Variants in PIK3C2G observed in about 807,000 individuals in gnomAD.
PIK3C2G encodes phosphatidylinositol 3-kinase C2 domain-containing subunit gamma.
Under a neutral mutation model 181.1 loss-of-function variants are expected in PIK3C2G, and 168 were observed. The ratio of observed to expected loss-of-function variants is 0.93; its 90% confidence interval spans 0.82 to 1.05. The LOEUF is 1.05. Among genes scored for constraint, PIK3C2G ranks in the 50% least tolerant of loss-of-function variants. PIK3C2G has a pLI of 0.00. For missense variants in PIK3C2G, 1,869 were observed against 1,732.8 expected (o/e 1.08, Z -1.40); for synonymous variants, 573 against 592.2 (o/e 0.97, Z 0.47).
intron 5 of PIK3C2G, among the ~76,000 whole-genome samples, chr12:18,305,357 G>A (rs914469834): frequency 7.9e-5 from 12 of 152,084 alleles, no homozygotes; most frequent in African/African-American, 2.4e-4. Flanking sequence ...AAGCTGAATT[G>A]CACAAGCATC....
intron 24 of PIK3C2G, among the ~76,000 whole-genome samples, chr12:18,531,327 T>C (rs1943543364): frequency 6.6e-6 from 1 of 152,182 alleles, no homozygotes; most frequent in Non-Finnish European, 1.5e-5. Context: ...TTTGAGATAA[T>C]TGAAGATTCA....
chr12:18,443,865 G>A (rs1946876480), intron 18 of PIK3C2G, among the ~76,000 whole-genome samples: 1 of 152,120 alleles, frequency 6.6e-6, no homozygotes, highest in African/African-American at 2.4e-5. Flanking sequence ...TTTATAGAAA[G>A]CATCTTAGAG....
intron 18 of PIK3C2G, among the ~76,000 whole-genome samples, chr12:18,426,285 T>C (rs113865965): frequency 7.2e-5 from 11 of 152,326 alleles, no homozygotes; most frequent in African/African-American, 2.6e-4. Context: ...ACATGAATTT[T>C]ATGTTAGGAT....
At chr12:18,282,901 G>C in intron 2 of PIK3C2G, 142 bp downstream of exon 2, 1 of 550,432 alleles carries the variant, frequency 1.8e-6, no homozygotes, top group Non-Finnish European at 3.0e-6. Context: ...TTTCACAAAT[G>C]ATGTGTTCTT....
At chr12:18,381,659 T>G (rs924650942) in intron 13 of PIK3C2G, 107 bp from the exon 14 acceptor site, 10 of 667,744 alleles carry the variant, frequency 1.5e-5, no homozygotes, top group Non-Finnish European at 2.7e-5. Flanking sequence ...ATAAAGCCCC[T>G]GTAAGAGCGG....
chr12:18,612,943 T>C (rs1948415919), intron 31 of PIK3C2G, among the ~76,000 whole-genome samples: 1 of 152,118 alleles, frequency 6.6e-6, no homozygotes, highest in Non-Finnish European at 1.5e-5. Flanking sequence ...AGCATCACAA[T>C]ATGATTCACT....
Position 18,594,545 on chromosome 12 carries a change from G to T in PIK3C2G, c.4063G>T (p.Glu1355Ter). ...CTCTGAGGCTGTGCAACAAACAGTT[G>T]AAGAATCATCACCTGTGTACCTAGG... The part of the protein sequence containing the change: ...FLSEAVQQTV[E>*]ESSPVYLGEK... The change falls in exon 30 of 33, where the codon GAA (glutamate) becomes TAA (stop). Residue 1355 changes from glutamate to a stop codon, truncating the protein, a stop_gained. Coordinates refer to ENST00000538779, the MANE Select transcript of PIK3C2G (RefSeq NM_001288772.2). LOFTEE classifies it high-confidence loss of function. 1 of 1,551,944 alleles carries T rather than the reference G, an allele frequency of 6.4e-7. No individual in the cohort carries two copies. Among genetic ancestry groups the T allele is most frequent in the East Asian group, 2.4e-5 (1 of 40,872 alleles).
intron 22 of PIK3C2G, among the ~76,000 whole-genome samples, chr12:18,498,477 AAATT>A (rs1307595096): frequency 6.6e-6 from 1 of 152,218 alleles, no homozygotes; most frequent in African/African-American, 2.4e-5. Context: ...GAATTTTATT[AAATT>A]AATTGGTATG....
intron 32 of PIK3C2G, among the ~76,000 whole-genome samples, chr12:18,646,065 G>A (rs893681131): frequency 6.6e-6 from 1 of 152,148 alleles, no homozygotes; most frequent in South Asian, 2.1e-4. Context: ...TTTCCAGGCA[G>A]CATTGGGCAT....
intron 31 of PIK3C2G, among the ~76,000 whole-genome samples, chr12:18,634,129 C>T (rs1949484602): frequency 6.6e-6 from 1 of 152,172 alleles, no homozygotes; most frequent in South Asian, 2.1e-4. Flanking sequence ...TTTCATCGTT[C>T]TGTAGAGACC....
At chr12:18,399,559 A>G in intron 15 of PIK3C2G, 100 bp from the exon 16 acceptor site, 1 of 582,462 alleles carries the variant, frequency 1.7e-6, no homozygotes, top group Non-Finnish European at 2.8e-6. Flanking sequence ...CTAAAATAAA[A>G]TTCAAAGAAC....
At chr12:18,306,435 A>AG (rs1950423840) in intron 5 of PIK3C2G, among the ~76,000 whole-genome samples, 1 of 145,706 alleles carries the variant, frequency 6.9e-6, no homozygotes, top group African/African-American at 2.5e-5. Flanking sequence ...GCTCACTTGA[A>AG]GACAAAATAA....
intron 19 of PIK3C2G, 50 bp from the exon 20 acceptor site, chr12:18,491,401 G>C: frequency 1.0e-6 from 1 of 967,938 alleles, no homozygotes; most frequent in South Asian, 1.4e-5. Flanking sequence ...TGAAGGAAAA[G>C]TCAAGTTCTT....
At chr12:18,249,873 C>T (rs2136946939) in intron 1 of PIK3C2G, among the ~76,000 whole-genome samples, 1 of 151,952 alleles carries the variant, frequency 6.6e-6, no homozygotes, top group Middle Eastern at 3.4e-3. Context: ...CTTTTCTTTA[C>T]AAACCCATCT....
chr12:18,566,990 A>G lies in PIK3C2G; in HGVS notation c.3944A>G (p.His1315Arg), dbSNP rs1403036730. Reference sequence around the variant, plus strand: ...CACCTACCTTTTACAAATTCAGATCACAGAAGATTCAGAGATCTAAATCAT... The same window carrying G: ...CACCTACCTTTTACAAATTCAGATCGCAGAAGATTCAGAGATCTAAATCAT... ...WWHLPFTNSD[H>R]RRFRDLNHYM... The change falls in exon 29 of 33, where the codon CAC becomes CGC. Residue 1315 changes from histidine to arginine, a missense_variant. By Grantham distance (29) the His-to-Arg change is conservative (BLOSUM62 0). Coordinates refer to ENST00000538779, the MANE Select transcript of PIK3C2G (RefSeq NM_001288772.2). 7.5e-6 allele frequency: 12 copies of G among 1,602,276 alleles called. No individual in the cohort carries two copies. Among genetic ancestry groups the G allele is most frequent in the African/African-American group, 1.3e-5 (1 of 74,794 alleles).
At chr12:18,580,586 ATTACT>A (rs1453994337) in intron 29 of PIK3C2G, among the ~76,000 whole-genome samples, 2 of 152,308 alleles carry the variant, frequency 1.3e-5, no homozygotes, top group East Asian at 3.9e-4. Flanking sequence ...TAAAGCCAAG[ATTACT>A]TTACACAGTC....
intron 30 of PIK3C2G, among the ~76,000 whole-genome samples, chr12:18,602,497 G>A (rs780056953): frequency 1.6e-4 from 23 of 141,794 alleles, no homozygotes; most frequent in African/African-American, 3.6e-4. Context: ...CTAGGACCCC[G>A]CCCACTGCTG....
chr12:18,355,290 A>C (rs981731837), intron 11 of PIK3C2G, among the ~76,000 whole-genome samples: 5 of 152,236 alleles, frequency 3.3e-5, no homozygotes, highest in Non-Finnish European at 7.3e-5. Context: ...ATCAGCCAGC[A>C]GGGCTCACTC....
the PIK3C2G span, among the ~76,000 whole-genome samples, chr12:18,702,408 C>A: frequency 3.3e-5 from 5 of 152,064 alleles, no homozygotes; most frequent in Non-Finnish European, 7.4e-5. Context: ...GTTATTCCTG[C>A]CCTTAGGATA....
Sources: gnomAD v4.1 joint callset for allele counts (sites outside exome capture counted in the v4.1 genomes callset) on GRCh38, gnomAD v4.1.1 for gene constraint, MANE v1.5 for transcripts, NCBI Gene and HGNC (gene_info 2026-07-23, HGNC 2026-07-21) for gene names.